Variants in RIMS2 observed in about 807,000 individuals in gnomAD.
RIMS2 encodes the protein regulating synaptic membrane exocytosis 2.
A neutral mutation model predicts 174.4 loss-of-function variants in RIMS2; 59 were observed. That is an observed-to-expected ratio of 0.34 (90% CI 0.27 to 0.42). The LOEUF (loss-of-function observed/expected upper bound fraction) is 0.42. RIMS2 is among the 10% of genes least tolerant of loss of function. RIMS2 has a pLI of 1.00. For missense variants in RIMS2, 1,620 were observed against 1,666.3 expected, an observed-to-expected ratio of 0.97 and a Z score of 0.48; for synonymous variants, 606 against 572.5, an observed-to-expected ratio of 1.06 and a Z score of -0.84.
intron 19 of RIMS2, among the ~76,000 whole-genome samples, chr8:104,121,507 T>C (rs2098373979): frequency 6.6e-6 from 1 of 152,168 alleles, no homozygotes; most frequent in South Asian, 2.1e-4. Context: ...TTGGTTTCAG[T>C]AAGGTTCCAG....
At chr8:104,207,824 A>G (rs1274361257) in intron 19 of RIMS2, among the ~76,000 whole-genome samples, 2 of 149,238 alleles carry the variant, frequency 1.3e-5, no homozygotes, top group African/African-American at 2.4e-5. Context: ...AAAAAAATAT[A>G]TATATATGTA....
chr8:103,989,408 C>T, exon 17 of RIMS2: 1 of 1,571,048 alleles, frequency 6.4e-7, no homozygotes, highest in Non-Finnish European at 8.8e-7. Context: ...CCATTATTCT[C>T]CAGATAGAGA....
intron 3 of RIMS2, among the ~76,000 whole-genome samples, chr8:103,863,584 A>G (rs1301309764): frequency 6.7e-6 from 1 of 148,260 alleles, no homozygotes; most frequent in African/African-American, 2.5e-5. Flanking sequence ...GGCTTTTTTT[A>G]TTGTTGGAAG....
chr8:104,223,494 T>A lies in RIMS2; in HGVS notation c.3335-21422T>A, dbSNP rs938277304. 4 of 1,387,306 alleles carry A rather than the reference T, an allele frequency of 2.9e-6. No individual in the cohort carries two copies. In the African/African-American group the frequency reaches 6.0e-5, roughly 21 times the overall value. The allele number at this position is 1,387,306 out of a possible 1,614,324, so 85.9% of individuals were successfully genotyped here. A position where few individuals can be genotyped will look rare whatever the true frequency, so the allele number is the denominator to read the frequency against. On this transcript the variant is annotated intron_variant, in intron 19 of 23. Transcript: ENST00000504942. Reference sequence around the variant, plus strand: ...CGGCGGCCAGGAAAGCCACGTCTCCTCCGGGCTGGGTCAGGGAGGCAGGGG... The same window carrying A: ...CGGCGGCCAGGAAAGCCACGTCTCCACCGGGCTGGGTCAGGGAGGCAGGGG...
intron 4 of RIMS2, among the ~76,000 whole-genome samples, chr8:103,889,504 C>T (rs535205097): frequency 6.6e-6 from 1 of 151,712 alleles, no homozygotes. Context: ...CACCAGGGAA[C>T]ATTATCATTG....
At chr8:104,100,921 A>ATATATGTGATATATTATATATTATATAG (rs1237096178) in intron 19 of RIMS2, among the ~76,000 whole-genome samples, 2 of 128,278 alleles carry the variant, frequency 1.6e-5, no homozygotes, top group South Asian at 2.3e-4. Flanking sequence ...GTAATATATT[A>ATATATGTGATATATTATATATTATATAG]TATATGTGAT....
At chr8:104,112,015 T>C (rs2098193324) in intron 19 of RIMS2, among the ~76,000 whole-genome samples, 1 of 152,234 alleles carries the variant, frequency 6.6e-6, no homozygotes, top group Non-Finnish European at 1.5e-5. Context: ...TATTTAATGA[T>C]TATGAGTCCA....
intron 4 of RIMS2, among the ~76,000 whole-genome samples, chr8:103,903,733 T>G (rs2073752267): frequency 1.3e-5 from 2 of 152,152 alleles, no homozygotes; most frequent in South Asian, 4.1e-4. Flanking sequence ...TCTGAAGCAT[T>G]GACCCTTCTC....
chr8:103,692,079 G>GCTT (rs2097033180), intron 1 of RIMS2, among the ~76,000 whole-genome samples: 1 of 152,058 alleles, frequency 6.6e-6, no homozygotes, highest in East Asian at 1.9e-4. Context: ...TGTCTGTGTG[G>GCTT]GACTGCCTGG....
chr8:103,780,425 T>G (rs185074179), intron 3 of RIMS2, among the ~76,000 whole-genome samples: 1 of 152,286 alleles, frequency 6.6e-6, no homozygotes, highest in Admixed American at 6.5e-5. Context: ...ATCATCTTCA[T>G]ATTTTTCATT....
intron 3 of RIMS2, among the ~76,000 whole-genome samples, chr8:103,775,124 G>C (rs2098298644): frequency 6.6e-6 from 1 of 151,914 alleles, no homozygotes; most frequent in Admixed American, 6.6e-5. Flanking sequence ...CAAATCAATG[G>C]TATTTAGAAT....
chr8:103,655,323 C>A (rs990059868), intron 1 of RIMS2, among the ~76,000 whole-genome samples: 3 of 151,916 alleles, frequency 2.0e-5, no homozygotes, highest in African/African-American at 7.2e-5. Context: ...GAGAATATCA[C>A]ATAACATAGG....
chr8:103,585,175 A>G (rs993223829), intron 1 of RIMS2, among the ~76,000 whole-genome samples: 2 of 152,230 alleles, frequency 1.3e-5, no homozygotes, highest in Non-Finnish European at 2.9e-5. Flanking sequence ...AGTGCAAATT[A>G]AAACCACAAT....
intron 1 of RIMS2, among the ~76,000 whole-genome samples, chr8:103,647,361 A>G (rs117900220): frequency 0.011 from 1,671 of 152,166 alleles, 14 homozygotes; most frequent in Non-Finnish European, 0.016. Context: ...ATTGATGTTC[A>G]TCAAGGACAT....
At position 104,014,500 on chromosome 8, in the gene RIMS2, C is replaced by T. The variant is rs777444820; in HGVS notation, c.3225-6C>T. The T allele has an allele frequency of 2.6e-6, 4 of 1,546,862 alleles. No individual in the cohort carries two copies. The South Asian group carries it at 4.5e-5, about 17-fold the overall frequency. On this transcript the variant is annotated splice_polypyrimidine_tract_variant and splice_region_variant and intron_variant, in intron 18 of 23. Coordinates refer to ENST00000504942, the Ensembl canonical transcript of RIMS2. ...CTGAAAATGAATATTAATGGTGTGTCTTTAGGTCTCATCCTCGTACTGGGT... is the reference window on the plus strand; with the variant it reads ...CTGAAAATGAATATTAATGGTGTGTTTTTAGGTCTCATCCTCGTACTGGGT...
At chr8:103,725,437 C>T (rs992510136) in intron 2 of RIMS2, among the ~76,000 whole-genome samples, 3 of 152,068 alleles carry the variant, frequency 2.0e-5, no homozygotes, top group African/African-American at 7.2e-5. Flanking sequence ...ACCTTATTAC[C>T]ATAGGTAGAT....
chr8:104,096,890 A>G (rs1598746890), intron 19 of RIMS2, among the ~76,000 whole-genome samples: 2 of 150,414 alleles, frequency 1.3e-5, no homozygotes, highest in Non-Finnish European at 1.5e-5. Context: ...AAAAAAAAAG[A>G]AAAAGAAAAA....
chr8:103,755,373 A>C (rs1192615020), intron 2 of RIMS2, among the ~76,000 whole-genome samples: 1 of 151,586 alleles, frequency 6.6e-6, no homozygotes, highest in Non-Finnish European at 1.5e-5. Context: ...TTTTTCCTTC[A>C]TTTCAACCTT....
At chr8:104,186,088 A>G (rs184705756) in intron 19 of RIMS2, among the ~76,000 whole-genome samples, 1 of 151,866 alleles carries the variant, frequency 6.6e-6, no homozygotes, top group African/African-American at 2.4e-5. Context: ...CTTTGCAGCA[A>G]CATGAATGGA....
Sources: gnomAD v4.1 joint callset for allele counts (sites outside exome capture counted in the v4.1 genomes callset) on GRCh38, gnomAD v4.1.1 for gene constraint, MANE v1.5 for transcripts, NCBI Gene and HGNC (gene_info 2026-07-23, HGNC 2026-07-21) for gene names.